Variants in SNX24 observed in about 807,000 individuals in gnomAD.
SNX24 encodes sorting nexin 24, also known as sorting nexin-24.
SNX24 carries 22 observed loss-of-function variants against 28.7 expected under a neutral mutation model. That is an observed-to-expected ratio of 0.77 (90% CI 0.55 to 1.10). The LOEUF is 1.10. Among genes scored for constraint, SNX24 ranks in the 50% least tolerant of loss-of-function variants. The pLI is 0.00. For synonymous variants in SNX24, 69 were observed against 71.5 expected, an observed-to-expected ratio of 0.96 and a Z score of 0.18; for missense variants, 221 against 201.1, an observed-to-expected ratio of 1.10 and a Z score of -0.60.
chr5:123,007,550 G>T, intron 6 of SNX24, 132 bp from the exon 7 acceptor site: 1 of 828,778 alleles, frequency 1.2e-6, no homozygotes, highest in Non-Finnish European at 1.9e-6. Flanking sequence ...CCAGGCACAT[G>T]CCTGGCGATG....
At chr5:122,864,685 C>G (rs1755640938) in intron 1 of SNX24, among the ~76,000 whole-genome samples, 1 of 152,162 alleles carries the variant, frequency 6.6e-6, no homozygotes, top group Non-Finnish European at 1.5e-5. Flanking sequence ...TCAGATGAGC[C>G]AGTTTATCGA....
rs1297315142 is a variant in SNX24, at chr5:123,008,869, T to G, written c.*1120T>G. 1 of 982,648 alleles carries G rather than the reference T, an allele frequency of 1.0e-6. No homozygotes were observed. The highest frequency in any genetic ancestry group is 1.2e-6 in the Non-Finnish European group (1 of 826,994). The allele number at this position is 982,648 out of a possible 1,614,324, so 60.9% of individuals were successfully genotyped here. On this transcript the variant is annotated 3_prime_UTR_variant, in exon 7 of 7. Transcript: ENST00000261369. ...AAAGGATAAAAGCATATATACTACC[T>G]ATATGTATGTGCTGTATGTGGGCAT...
chr5:122,856,299 G>T (rs1436486683), intron 1 of SNX24, among the ~76,000 whole-genome samples: 4 of 152,116 alleles, frequency 2.6e-5, no homozygotes, highest in African/African-American at 9.7e-5. Context: ...CAAAGGACAT[G>T]ATCTTGTTTT....
At chr5:122,957,602 G>T (rs1403220228) in intron 3 of SNX24, among the ~76,000 whole-genome samples, 1 of 152,162 alleles carries the variant, frequency 6.6e-6, no homozygotes, top group African/African-American at 2.4e-5. Flanking sequence ...TAAATCTGTA[G>T]ATCACTTTGG....
At chr5:122,944,526 TGTAA>T (rs1759597528) in intron 2 of SNX24, among the ~76,000 whole-genome samples, 2 of 152,220 alleles carry the variant, frequency 1.3e-5, no homozygotes, top group East Asian at 3.8e-4. Context: ...TAGATTTGGC[TGTAA>T]GTGACTCTAA....
In SNX24 at chr5:122,932,858, C is replaced by CAAAAAAAAAAAAAAAAA. The variant is rs57930558; in HGVS notation, c.61-3866_61-3850dup. On this transcript the variant is annotated intron_variant, in intron 1 of 6. Coordinates refer to ENST00000261369, the MANE Select transcript of SNX24 (RefSeq NM_014035.4). The stretch of plus-strand genomic sequence containing the variant: ...GGGGCGACAGAGCAAGACTCTGTCT[C>CAAAAAAAAAAAAAAAAA]AAAAAAAAAAAAAAAAAAAAAAAAA... Among the ~76,000 whole-genome samples the CAAAAAAAAAAAAAAAAA allele has an allele frequency of 1.2e-4, 11 of 88,016 alleles. 1 individual carries two copies. The highest frequency in any genetic ancestry group is 4.1e-4 in the South Asian group (1 of 2,414). 57.7% of individuals were successfully genotyped at this position (88,016 alleles called of 152,430 possible). A position where few individuals can be genotyped will look rare whatever the true frequency, so the allele number is the denominator to read the frequency against.
At chr5:122,964,125 C>T (rs1760608778) in intron 3 of SNX24, among the ~76,000 whole-genome samples, 1 of 151,730 alleles carries the variant, frequency 6.6e-6, no homozygotes, top group South Asian at 2.1e-4. Context: ...CGCCTGTAAT[C>T]CCAGCTACTT....
At chr5:122,934,118 G>C (rs1009344204) in intron 1 of SNX24, among the ~76,000 whole-genome samples, 25 of 151,950 alleles carry the variant, frequency 1.6e-4, no homozygotes, top group Admixed American at 4.6e-4. Context: ...TTCCTGGCTC[G>C]CAGGCCCTCA....
intron 5 of SNX24, chr5:123,028,770 G>A (rs780293313): frequency 3.2e-5 from 51 of 1,605,372 alleles, no homozygotes; most frequent in Non-Finnish European, 4.2e-5. Context: ...ATGCAAAGAC[G>A]TTACCCCCAG....
chr5:122,955,697 A>G (rs1451716200), intron 3 of SNX24, among the ~76,000 whole-genome samples: 1 of 152,174 alleles, frequency 6.6e-6, no homozygotes, highest in African/African-American at 2.4e-5. Context: ...ATTTCATCTG[A>G]TGCCACCATA....
At chr5:122,963,880 A>G (rs1760590926) in intron 3 of SNX24, among the ~76,000 whole-genome samples, 1 of 152,124 alleles carries the variant, frequency 6.6e-6, no homozygotes. Flanking sequence ...TAATACATAT[A>G]TATGCACATA....
intron 1 of SNX24, among the ~76,000 whole-genome samples, chr5:122,921,566 C>T (rs1347260213): frequency 6.6e-6 from 1 of 152,104 alleles, no homozygotes; most frequent in Non-Finnish European, 1.5e-5. Context: ...AAAAAATTCA[C>T]ATCCAGGTGA....
intron 3 of SNX24, among the ~76,000 whole-genome samples, chr5:122,995,581 A>G (rs1762024237): frequency 6.6e-6 from 1 of 152,274 alleles, no homozygotes; most frequent in Admixed American, 6.5e-5. Context: ...TTTGAGACCC[A>G]TGATTCTCGC....
At chr5:122,958,817 T>C (rs1223352317) in intron 3 of SNX24, among the ~76,000 whole-genome samples, 1 of 151,972 alleles carries the variant, frequency 6.6e-6, no homozygotes, top group African/African-American at 2.4e-5. Context: ...GCCTCAGCCT[T>C]CTAAAGTGCT....
chr5:122,918,701 C>T (rs1581747459), intron 1 of SNX24, among the ~76,000 whole-genome samples: 1 of 152,190 alleles, frequency 6.6e-6, no homozygotes, highest in African/African-American at 2.4e-5. Flanking sequence ...ATTTAACATT[C>T]TCATATTTAT....
At position 123,014,333 on chromosome 5, in the gene SNX24, A is replaced by ATTTTTTTT. The variant is rs70988553; in HGVS notation, n.383+12351_383+12358dup. 3.1e-4 allele frequency among the ~76,000 whole-genome samples: 24 copies of ATTTTTTTT among 77,306 alleles called. 6 individuals are homozygous for ATTTTTTTT. The highest frequency in any genetic ancestry group is 2.6e-4 in the Non-Finnish European group (11 of 42,442). 50.7% of individuals were successfully genotyped at this position (77,306 alleles called of 152,430 possible). On this transcript the variant is annotated intron_variant and non_coding_transcript_variant, in intron 5 of 5. Coordinates refer to the SNX24 transcript ENST00000502387. ...AGGCACACGCCACTGTGCCCAGCTG[A>ATTTTTTTT]TTTTTTTTTTTTTTTTTTTTTTTTT...
chr5:122,977,353 T>TA (rs1761208620), intron 3 of SNX24, among the ~76,000 whole-genome samples: 1 of 122,440 alleles, frequency 8.2e-6, no homozygotes, highest in South Asian at 2.9e-4. Flanking sequence ...TCCCAATACA[T>TA]ACACTTTCTC....
chr5:123,023,806 C>A (rs1762801964), intron 5 of SNX24: 1 of 1,146,860 alleles, frequency 8.7e-7, no homozygotes. Flanking sequence ...AAAGACAACA[C>A]AACACACACA....
chr5:122,971,158 T>C (rs2150147537), intron 3 of SNX24, among the ~76,000 whole-genome samples: 1 of 152,280 alleles, frequency 6.6e-6, no homozygotes, highest in Non-Finnish European at 1.5e-5. Flanking sequence ...CTGGTGTAAC[T>C]TTAAGAGTCC....
Sources: gnomAD v4.1 joint callset for allele counts (sites outside exome capture counted in the v4.1 genomes callset) on GRCh38, gnomAD v4.1.1 for gene constraint, MANE v1.5 for transcripts, NCBI Gene and HGNC (gene_info 2026-07-23, HGNC 2026-07-21) for gene names.